Variants in KCNA6 observed in about 807,000 individuals in gnomAD.
KCNA6 encodes the protein potassium voltage-gated channel subfamily A member 6, also known as human brain potassium channel-2.
Under a neutral mutation model 29.5 loss-of-function variants are expected in KCNA6, and 17 were observed. The ratio of observed to expected loss-of-function variants is 0.58; its 90% CI spans 0.39 to 0.86. The LOEUF (loss-of-function observed/expected upper bound fraction) is 0.86. KCNA6 is among the 40% of genes least tolerant of loss of function. The pLI, the probability that KCNA6 is intolerant of heterozygous loss-of-function variation, is 0.00. For synonymous variants in KCNA6, 296 were observed against 304.7 expected, an observed-to-expected ratio of 0.97 and a Z score of 0.30; for missense variants, 450 against 703.4, an observed-to-expected ratio of 0.64 and a Z score of 4.07.
Position 4,810,233 on chromosome 12 carries a change from C to T in KCNA6, c.192C>T (p.Asp64=), listed in dbSNP as rs542034420. Residue 64 remains aspartate (D), a synonymous_variant, in exon 1 of 1, where the codon GAC becomes GAT. Coordinates refer to ENST00000280684, the Ensembl canonical transcript of KCNA6. The surrounding 1 kb of genome is among the most constrained non-coding windows in gnomAD (Gnocchi z 7.5). ...TGCGCACCCTGTCGCTGTTTCCGGA[C>T]ACGCTGCTCGGAGACCCTGGCCGGC... 1.9e-6 allele frequency: 3 copies of T among 1,613,950 alleles called. No individual in the cohort carries two copies. Among genetic ancestry groups the T allele is most frequent in the South Asian group, 1.1e-5 (1 of 91,076 alleles).
At chr12:4,850,979 A>T in the KCNA6 span, 1 of 355,606 alleles carries the variant, frequency 2.8e-6, no homozygotes, top group Non-Finnish European at 5.7e-6. The surrounding 1 kb of genome is among the most constrained non-coding windows in gnomAD (Gnocchi z 5.4). Flanking sequence ...ACAGGGTGAA[A>T]GCTGGTGGTG....
Position 4,810,383 on chromosome 12 carries a change from G to C in KCNA6, c.342G>C (p.Leu114=). The change falls in exon 1 of 1, where the codon CTG becomes CTC. Residue 114 remains leucine, a synonymous_variant. Coordinates refer to ENST00000280684, the Ensembl canonical transcript of KCNA6. This position sits in a 1 kb window ranked among gnomAD's most constrained non-coding sequence, Gnocchi z 7.5. ...TGCGGAGGCCGGTCAACGTGCCCCT[G>C]GACATTTTCCTGGAGGAGATCCGCT... is the stretch of plus-strand genomic sequence containing the variant. 6.2e-7 allele frequency: 1 copy of C among 1,614,182 alleles called. No individual in the cohort carries two copies.
At chr12:4,833,216 C>T in the KCNA6 span, among the ~76,000 whole-genome samples, 4 of 152,180 alleles carry the variant, frequency 2.6e-5, no homozygotes, top group African/African-American at 9.7e-5. Context: ...TTATAGCTCC[C>T]AATTCAAGCA....
In KCNA6 at chr12:4,810,427, A is replaced by C. The variant is rs1194104312; in HGVS notation, c.386A>C (p.Glu129Ala). 1 of 1,613,906 alleles carries C rather than the reference A, an allele frequency of 6.2e-7. No individual in the cohort carries two copies. The highest frequency in any genetic ancestry group is 1.7e-5 in the Admixed American group (1 of 59,996). Residue 129 changes from glutamate to alanine, a missense_variant, in exon 1 of 1, where the codon GAG becomes GCG. This residue lies in a region of KCNA6 where 133 missense variants were observed against 217.5 expected (regional missense o/e 0.61). Transcript: ENST00000280684. The surrounding 1 kb of genome is among the most constrained non-coding windows in gnomAD (Gnocchi z 7.5). ...ATCCGCTTCTACCAGCTGGGGGACG[A>C]GGCCCTGGCGGCCTTCCGGGAGGAC...
the KCNA6 span, chr12:4,850,757 T>C: frequency 6.7e-6 from 3 of 448,320 alleles, no homozygotes; most frequent in South Asian, 3.2e-5. The surrounding 1 kb of genome is among the most constrained non-coding windows in gnomAD (Gnocchi z 5.4). Flanking sequence ...TGGCAGGTGG[T>C]GCAAGCAAGG....
chr12:4,841,144 T>C, the KCNA6 span, among the ~76,000 whole-genome samples: 1 of 152,186 alleles, frequency 6.6e-6, no homozygotes, highest in South Asian at 2.1e-4. Flanking sequence ...GTGCTCAACA[T>C]TGGATGTTCA....
At position 4,813,331 on chromosome 12, in the gene KCNA6, C is replaced by G. The variant is rs1323365010; in HGVS notation, c.*1700C>G. 1.2e-5 allele frequency: 2 copies of G among 167,012 alleles called. No homozygotes were observed. The highest frequency in any genetic ancestry group is 2.9e-5 in the Non-Finnish European group (2 of 68,130). The allele number at this position is 167,012 out of a possible 1,614,324, so 10.3% of individuals were successfully genotyped here. On this transcript the variant is annotated 3_prime_UTR_variant, in exon 1 of 1. Transcript: ENST00000280684. The stretch of plus-strand genomic sequence containing the variant: ...AATGGGAACATTACTGTCTTCCCCT[C>G]CCTACCTCATGGGGAATGTCTGGGA...
At chr12:4,836,227 G>A in the KCNA6 span, among the ~76,000 whole-genome samples, 1 of 152,042 alleles carries the variant, frequency 6.6e-6, no homozygotes, top group Non-Finnish European at 1.5e-5. Context: ...AGGATTGCAG[G>A]CGCAAGCCAC....
chr12:4,843,251 G>T, the KCNA6 span, among the ~76,000 whole-genome samples: 1 of 151,730 alleles, frequency 6.6e-6, no homozygotes, highest in Non-Finnish European at 1.5e-5. Context: ...CGCGATCTCG[G>T]CTCACTGCAA....
chr12:4,845,396 A>G, the KCNA6 span, among the ~76,000 whole-genome samples: 1 of 152,192 alleles, frequency 6.6e-6, no homozygotes, highest in Non-Finnish European at 1.5e-5. Flanking sequence ...TTGCTGCAAG[A>G]AGTCAACGCT....
the KCNA6 span, among the ~76,000 whole-genome samples, chr12:4,847,033 C>T: frequency 1.3e-5 from 2 of 151,790 alleles, no homozygotes; most frequent in African/African-American, 4.8e-5. Flanking sequence ...ATCCACCTGC[C>T]TTGGCCTCTT....
chr12:4,850,762 G>A, the KCNA6 span: 1 of 450,118 alleles, frequency 2.2e-6, no homozygotes, highest in Admixed American at 2.4e-5. The surrounding 1 kb of genome is among the most constrained non-coding windows in gnomAD (Gnocchi z 5.4). Flanking sequence ...GGTGGTGCAA[G>A]CAAGGACATC....
the KCNA6 span, chr12:4,850,892 A>T: frequency 2.3e-6 from 1 of 431,070 alleles, no homozygotes; most frequent in African/African-American, 2.0e-5. The surrounding 1 kb of genome is among the most constrained non-coding windows in gnomAD (Gnocchi z 5.4). Flanking sequence ...ACAAGCAGCA[A>T]CCAAGCCAGA....
In KCNA6 at chr12:4,811,256, T is replaced by G. The variant is rs765835516; in HGVS notation, c.1215T>G (p.Leu405=). The change falls in exon 1 of 1, where the codon CTT becomes CTG. Residue 405 remains leucine (L), a synonymous_variant. Coordinates refer to ENST00000280684, the Ensembl canonical transcript of KCNA6. The surrounding 1 kb of genome is among the most constrained non-coding windows in gnomAD (Gnocchi z 7.1). ...CAGAGGCTGACGATGACGATTCGCT[T>G]TTTCCCAGCATCCCGGATGCCTTCT... 8.1e-6 allele frequency: 13 copies of G among 1,614,062 alleles called. No individual in the cohort carries two copies. The highest frequency in any genetic ancestry group is 1.6e-4 in the Middle Eastern group (1 of 6,084).
At chr12:4,849,761 A>G in the KCNA6 span, among the ~76,000 whole-genome samples, 5 of 152,188 alleles carry the variant, frequency 3.3e-5, no homozygotes, top group African/African-American at 1.2e-4. Context: ...GCAGAAATCT[A>G]TTGCATGGGC....
Position 4,811,732 on chromosome 12 carries a change from ACT to A in KCNA6, c.*107_*108del. The stretch of plus-strand genomic sequence containing the variant: ...CACTCTAGCTTCAGTTGACTTCTTG[ACT>A]CTCTCCCCTACACCCACTACCTGGC... On this transcript the variant is annotated 3_prime_UTR_variant, in exon 1 of 1. Coordinates refer to ENST00000280684, the Ensembl canonical transcript of KCNA6. The surrounding 1 kb of genome is among the most constrained non-coding windows in gnomAD (Gnocchi z 7.1). 7.2e-7 allele frequency: 1 copy of A among 1,391,122 alleles called. No homozygotes were observed. Among genetic ancestry groups the A allele is most frequent in the African/African-American group, 1.4e-5 (1 of 69,328 alleles). The allele number at this position is 1,391,122 out of a possible 1,614,324, so 86.2% of individuals were successfully genotyped here.
At chr12:4,845,760 T>A in the KCNA6 span, among the ~76,000 whole-genome samples, 1 of 152,298 alleles carries the variant, frequency 6.6e-6, no homozygotes, top group East Asian at 1.9e-4. Context: ...TTCTTTTAAA[T>A]TAAAATATTA....
At chr12:4,838,320 C>T in the KCNA6 span, among the ~76,000 whole-genome samples, 1 of 152,172 alleles carries the variant, frequency 6.6e-6, no homozygotes, top group African/African-American at 2.4e-5. Context: ...AAAGCTTTGC[C>T]TGCAGCCTCG....
chr12:4,822,814 G>A, the KCNA6 span, among the ~76,000 whole-genome samples: 1 of 152,190 alleles, frequency 6.6e-6, no homozygotes, highest in Non-Finnish European at 1.5e-5. Flanking sequence ...CTGTGCATCT[G>A]TCTGGTTGCT....
Sources: allele counts gnomAD v4.1 joint callset (sites outside exome capture counted in the v4.1 genomes callset), GRCh38; gene constraint gnomAD v4.1.1; regional missense constraint gnomAD v4.1.1; non-coding constraint Gnocchi (gnomAD v3.1); transcripts MANE v1.5; gene names NCBI Gene and HGNC (gene_info 2026-07-23, HGNC 2026-07-21).